The following IPO9 variants were observed in gnomAD, a reference collection of about 807,000 sequenced individuals.
IPO9 encodes importin-9.
A neutral mutation model predicts 128.6 loss-of-function variants in IPO9; 28 were observed. The ratio of observed to expected loss-of-function variants is 0.22; its 90% CI spans 0.16 to 0.30. The LOEUF is 0.30. Among genes scored for constraint, IPO9 ranks in the 10% least tolerant of loss-of-function variants. The pLI, the probability that IPO9 is intolerant of heterozygous loss-of-function variation, is 1.00. For missense variants in IPO9, 935 were observed against 1,293.9 expected, an observed-to-expected ratio of 0.72 and a Z score of 4.26; for synonymous variants, 455 against 475.8, an observed-to-expected ratio of 0.96 and a Z score of 0.57.
intron 17 of IPO9, 111 bp downstream of exon 17, chr1:201,869,829 C>T: frequency 7.6e-7 from 1 of 1,308,152 alleles, no homozygotes; most frequent in Non-Finnish European, 1.0e-6. Flanking sequence ...GAATTCTCAA[C>T]TCCATATTTA....
At chr1:201,844,136 G>A (rs1032638856) in intron 1 of IPO9, among the ~76,000 whole-genome samples, 2 of 152,012 alleles carry the variant, frequency 1.3e-5, no homozygotes, top group Non-Finnish European at 2.9e-5. Context: ...CCCTAGATTT[G>A]GATCAGTTAC....
chr1:201,866,508 A>G (rs1680556697), intron 14 of IPO9, among the ~76,000 whole-genome samples: 1 of 151,748 alleles, frequency 6.6e-6, no homozygotes, highest in Admixed American at 6.6e-5. Context: ...AAAAAAGCAG[A>G]AGTTTTTAAA....
At chr1:201,867,699 T>C (rs1558223932) in intron 15 of IPO9, among the ~76,000 whole-genome samples, 1 of 152,108 alleles carries the variant, frequency 6.6e-6, no homozygotes, top group African/African-American at 2.4e-5. Flanking sequence ...GTTTTTTTTT[T>C]CCTGTAGTGA....
Position 201,868,812 on chromosome 1 carries a change from T to A in IPO9, c.2004+16T>A, listed in dbSNP as rs751395894. 9.1e-6 allele frequency: 13 copies of A among 1,425,414 alleles called. No homozygotes were observed. In the African/African-American group the frequency reaches 1.7e-4, roughly 18 times the overall value. 88.3% of individuals were successfully genotyped at this position (1,425,414 alleles called of 1,614,324 possible). On this transcript the variant is annotated intron_variant, in intron 16 of 23. Coordinates refer to ENST00000361565, the MANE Select transcript of IPO9 (RefSeq NM_018085.5). The stretch of plus-strand genomic sequence containing the variant: ...GCTTTGTGCGGTAAGTGGCCGTGTG[T>A]GTGTGTGTGTGTGTGTGAGAGAGAT...
chr1:201,871,354 C>A, intron 19 of IPO9, 27 bp downstream of exon 19: 1 of 1,018,220 alleles, frequency 9.8e-7, no homozygotes, highest in South Asian at 1.6e-5. Context: ...CTTTTCTGGG[C>A]ATTCTGCCAC....
At chr1:201,841,067 T>C (rs1243066113) in intron 1 of IPO9, among the ~76,000 whole-genome samples, 1 of 152,036 alleles carries the variant, frequency 6.6e-6, no homozygotes, top group East Asian at 1.9e-4. Context: ...ATAATTAAAA[T>C]TAAAATCAAA....
chr1:201,839,768 C>T (rs1680002891), intron 1 of IPO9, among the ~76,000 whole-genome samples: 1 of 151,866 alleles, frequency 6.6e-6, no homozygotes, highest in African/African-American at 2.4e-5. Flanking sequence ...AAATATGACT[C>T]AAGATCCAGA....
chr1:201,865,199 C>CTTTTTTTTTT (rs201084995), intron 14 of IPO9, among the ~76,000 whole-genome samples: 63 of 132,818 alleles, frequency 4.7e-4, no homozygotes, highest in Non-Finnish European at 5.2e-4. Flanking sequence ...AACTATTTTT[C>CTTTTTTTTTT]TTTTTTTTTT....
At chr1:201,846,049 A>G (rs984681373) in intron 1 of IPO9, among the ~76,000 whole-genome samples, 1 of 152,244 alleles carries the variant, frequency 6.6e-6, no homozygotes, top group Non-Finnish European at 1.5e-5. Context: ...TTGACACTGC[A>G]GTGAGCTATT....
At chr1:201,855,012 C>G in intron 8 of IPO9, 89 bp downstream of exon 8, 2 of 1,326,326 alleles carry the variant, frequency 1.5e-6, no homozygotes, top group Non-Finnish European at 2.1e-6. Flanking sequence ...TTCCACTCTT[C>G]TTACACAGGC....
chr1:201,841,007 G>A lies in IPO9; in HGVS notation c.164-6272G>A, dbSNP rs528385003. Among the ~76,000 whole-genome samples, 13 of 152,174 alleles carry A rather than the reference G, an allele frequency of 8.5e-5. No individual in the cohort carries two copies. The East Asian group carries it at 2.3e-3, about 27-fold the overall frequency. ...TTCTTGGAATATTCCTTTTTGTATA[G>A]CTTTGACTCTGAGAATCATGGTAAT... On this transcript the variant is annotated intron_variant, in intron 1 of 23. Transcript: ENST00000361565.
chr1:201,869,263 A>T (rs1210370974), intron 16 of IPO9, among the ~76,000 whole-genome samples: 1 of 152,138 alleles, frequency 6.6e-6, no homozygotes, highest in African/African-American at 2.4e-5. Flanking sequence ...AGAAAGAAAG[A>T]AAGAAAATGG....
chr1:201,869,495 G>T, intron 16 of IPO9, 95 bp from the exon 17 acceptor site: 1 of 1,418,300 alleles, frequency 7.1e-7, no homozygotes, highest in South Asian at 1.3e-5. Context: ...CTTTCTCTGG[G>T]TTGCTATGTA....
At chr1:201,863,308 C>T (rs1049667689) in intron 13 of IPO9, 140 bp from the exon 14 acceptor site, 29 of 744,820 alleles carry the variant, frequency 3.9e-5, no homozygotes, top group Admixed American at 2.0e-4. Flanking sequence ...GCCGAGATCA[C>T]GCCATCGCAC....
At chr1:201,858,618 G>C in intron 12 of IPO9, 65 bp downstream of exon 12, 1 of 1,001,480 alleles carries the variant, frequency 1.0e-6, no homozygotes, top group South Asian at 1.9e-5. Context: ...GTCTTGAAAG[G>C]ATGGATTTAT....
chr1:201,845,648 A>T (rs575223384), intron 1 of IPO9, among the ~76,000 whole-genome samples: 1 of 152,364 alleles, frequency 6.6e-6, no homozygotes, highest in East Asian at 1.9e-4. Context: ...CTCTATATTC[A>T]TTTAACCTGA....
chr1:201,854,062 G>C (rs1166401433), intron 6 of IPO9, among the ~76,000 whole-genome samples: 5 of 151,934 alleles, frequency 3.3e-5, no homozygotes, highest in Non-Finnish European at 7.4e-5. Context: ...GTAGAGACGG[G>C]GTCTCTCCCT....
At chr1:201,862,287 CT>C (rs756119053) in intron 13 of IPO9, among the ~76,000 whole-genome samples, 1 of 150,468 alleles carries the variant, frequency 6.6e-6, no homozygotes, top group Non-Finnish European at 1.5e-5. Context: ...GTGAAACCCC[CT>C]CTCTACTAAA....
At chr1:201,871,372 ATTTCTTT>A in intron 19 of IPO9, 45 bp downstream of exon 19, 11 of 232,790 alleles carry the variant, frequency 4.7e-5, no homozygotes, top group African/African-American at 1.5e-4. Context: ...CACCACTCAT[ATTTCTTT>A]TTTTTTTTTT....
Sources: allele counts gnomAD v4.1 joint callset (sites outside exome capture counted in the v4.1 genomes callset), GRCh38; gene constraint gnomAD v4.1.1; transcripts MANE v1.5; gene names NCBI Gene and HGNC (gene_info 2026-07-23, HGNC 2026-07-21).